The following KRABD4 variants were observed in gnomAD, a reference collection of about 807,000 sequenced individuals.
KRABD4 encodes KRAB domain containing 4.
the KRABD4 span, chrX:46,455,040 A>G: frequency 8.3e-6 from 3 of 359,538 alleles, no homozygotes; most frequent in Admixed American, 4.8e-5. Context: ...AGTGTTTACT[A>G]TTTTCCTCTT....
At chrX:46,452,477 A>G in the KRABD4 span, among the ~76,000 whole-genome samples, 1 of 110,885 alleles carries the variant, frequency 9.0e-6, no homozygotes, top group Non-Finnish European at 1.9e-5. Context: ...TTTGGCAACC[A>G]AAATATCTCT....
the KRABD4 span, among the ~76,000 whole-genome samples, chrX:46,460,666 T>G: frequency 0.076 from 6,698 of 88,339 alleles, 1,356 homozygotes; most frequent in African/African-American, 0.39. Context: ...CTGTCCCCCA[T>G]GCTGGAGAAC....
At chrX:46,470,368 G>A in the KRABD4 span, among the ~76,000 whole-genome samples, 34 of 110,975 alleles carry the variant, frequency 3.1e-4, no homozygotes, top group Non-Finnish European at 5.9e-4. Context: ...CCATTCTTAA[G>A]CCCTGGCAAC....
At chrX:46,449,613 G>A in the KRABD4 span, among the ~76,000 whole-genome samples, 3 of 111,876 alleles carry the variant, frequency 2.7e-5, no homozygotes, top group Admixed American at 2.8e-4. Flanking sequence ...ATCACACTGC[G>A]CTTGCTTTCT....
the KRABD4 span, chrX:46,473,494 A>C: frequency 6.0e-6 from 5 of 827,004 alleles, no homozygotes; most frequent in Non-Finnish European, 8.5e-6. Flanking sequence ...CATATGGGAG[A>C]AACCTTATGA....
At chrX:46,459,561 C>T in the KRABD4 span, among the ~76,000 whole-genome samples, 1 of 111,244 alleles carries the variant, frequency 9.0e-6, no homozygotes, top group African/African-American at 3.3e-5. Flanking sequence ...GGAGTTTCTT[C>T]CCTCCATAAA....
the KRABD4 span, chrX:46,471,306 TA>T: frequency 1.3e-6 from 1 of 768,540 alleles, no homozygotes; most frequent in Non-Finnish European, 1.8e-6. Flanking sequence ...GAAATTAATG[TA>T]ATTTCTCCAG....
the KRABD4 span, among the ~76,000 whole-genome samples, chrX:46,466,897 G>A: frequency 8.9e-6 from 1 of 112,067 alleles, no homozygotes; most frequent in Non-Finnish European, 1.9e-5. Context: ...AAAAAACTCC[G>A]TGTTTCCTTT....
the KRABD4 span, among the ~76,000 whole-genome samples, chrX:46,450,977 C>T: frequency 9.0e-6 from 1 of 111,328 alleles, no homozygotes; most frequent in Non-Finnish European, 1.9e-5. Context: ...GCTGGGATTA[C>T]AGGCGCGAGC....
At chrX:46,450,434 T>C in the KRABD4 span, 1 of 1,200,077 alleles carries the variant, frequency 8.3e-7, no homozygotes, top group Non-Finnish European at 1.1e-6. Context: ...TTTATAGATC[T>C]CCATCCTTTG....
chrX:46,448,880 G>T, the KRABD4 span, among the ~76,000 whole-genome samples: 2 of 112,865 alleles, frequency 1.8e-5, no homozygotes, highest in East Asian at 5.5e-4. Context: ...GGGAAATGCT[G>T]AGTGTCCCTT....
the KRABD4 span, among the ~76,000 whole-genome samples, chrX:46,451,161 G>A: frequency 8.9e-6 from 1 of 111,809 alleles, no homozygotes; most frequent in Non-Finnish European, 1.9e-5. Context: ...TGTGCATAAT[G>A]TTTTGATGTG....
the KRABD4 span, chrX:46,456,465 T>C: frequency 6.4e-6 from 1 of 156,145 alleles, no homozygotes; most frequent in Non-Finnish European, 1.3e-5. Context: ...TTGAATGAGA[T>C]GTAAAGCTTT....
the KRABD4 span, chrX:46,471,311 TCTC>T: frequency 5.4e-6 from 4 of 744,098 alleles, no homozygotes; most frequent in South Asian, 2.9e-5. Context: ...TAATGTAATT[TCTC>T]CAGCTTTCTT....
At chrX:46,471,399 A>C in the KRABD4 span, among the ~76,000 whole-genome samples, 1 of 101,196 alleles carries the variant, frequency 9.9e-6, no homozygotes, top group Non-Finnish European at 2.0e-5. Flanking sequence ...ACCTCTCTCT[A>C]CCCACCCCCA....
the KRABD4 span, among the ~76,000 whole-genome samples, chrX:46,461,840 G>C: frequency 1.8e-5 from 2 of 111,420 alleles, no homozygotes; most frequent in Non-Finnish European, 3.8e-5. Context: ...GTCAGCCCCA[G>C]GCAGGATTGA....
chrX:46,473,758 G>A, the KRABD4 span: 3 of 152,933 alleles, frequency 2.0e-5, no homozygotes, highest in African/African-American at 3.2e-5. Flanking sequence ...GGGTTCAACC[G>A]ATTCTCCTGC....
the KRABD4 span, among the ~76,000 whole-genome samples, chrX:46,460,823 A>G: frequency 9.2e-6 from 1 of 108,425 alleles, no homozygotes; most frequent in Non-Finnish European, 1.9e-5. Context: ...TCACAGAGGC[A>G]TGATCATCAT....
At chrX:46,455,435 A>G in the KRABD4 span, 2 of 439,721 alleles carry the variant, frequency 4.5e-6, no homozygotes, top group East Asian at 4.2e-5. Context: ...ACCACTGTAC[A>G]GTATGGGTTT....
Sources: allele counts gnomAD v4.1 joint callset (sites outside exome capture counted in the v4.1 genomes callset), GRCh38; gene constraint gnomAD v4.1.1; transcripts MANE v1.5; gene names NCBI Gene and HGNC (gene_info 2026-07-23, HGNC 2026-07-21).